The following SLC4A4 variants were observed in gnomAD, a reference collection of about 807,000 sequenced individuals.
SLC4A4 encodes solute carrier family 4 member 4.
A neutral mutation model predicts 111.5 loss-of-function variants in SLC4A4; 27 were observed. That is an observed-to-expected ratio of 0.24 (90% CI 0.18 to 0.33). The LOEUF is 0.33. SLC4A4 is among the 10% of genes least tolerant of loss of function. The pLI is 1.00. For synonymous variants in SLC4A4, 443 were observed against 463.4 expected (o/e 0.96, Z 0.57); for missense variants, 909 against 1,315.5 (o/e 0.69, Z 4.78).
chr4:71,449,017 A>G (rs2149073170), intron 9 of SLC4A4, among the ~76,000 whole-genome samples: 1 of 152,328 alleles, frequency 6.6e-6, no homozygotes, highest in South Asian at 2.1e-4. Flanking sequence ...AAGATGTATC[A>G]ATTAAGAATA....
intron 3 of SLC4A4, among the ~76,000 whole-genome samples, chr4:71,268,361 T>A (rs1722456793): frequency 6.6e-6 from 1 of 152,150 alleles, no homozygotes; most frequent in South Asian, 2.1e-4. Context: ...AAGGAAGAGA[T>A]CAGATGACGA....
At chr4:71,073,418 A>G (rs928989731) in intron 1 of SLC4A4, among the ~76,000 whole-genome samples, 1 of 152,172 alleles carries the variant, frequency 6.6e-6, no homozygotes, top group Non-Finnish European at 1.5e-5. Context: ...CCTGGAGAAT[A>G]TGTTTTTAGA....
chr4:71,511,895 A>T (rs2149176070), intron 16 of SLC4A4, among the ~76,000 whole-genome samples: 1 of 152,248 alleles, frequency 6.6e-6, no homozygotes, highest in Non-Finnish European at 1.5e-5. Flanking sequence ...GACTTATTTC[A>T]CTAAACACAA....
In SLC4A4 at chr4:71,140,089, G is replaced by T. The variant is rs34048868; in HGVS notation, c.-2+47297G>T. ...TTTCTAGTGAAGCTATTTTTAAATG[G>T]GTTGTTTTGAACACATAGCATCCAA... is the stretch of plus-strand genomic sequence containing the variant. On this transcript the variant is annotated intron_variant, in intron 2 of 26. Transcript: ENST00000649996. 8.6e-3 allele frequency among the ~76,000 whole-genome samples: 1,302 copies of T among 152,052 alleles called. 7 individuals carry two copies. The highest frequency in any genetic ancestry group is 0.017 in the Middle Eastern group (5 of 292).
At chr4:71,377,215 G>C (rs1050050861) in intron 6 of SLC4A4, among the ~76,000 whole-genome samples, 2 of 152,156 alleles carry the variant, frequency 1.3e-5, no homozygotes, top group Non-Finnish European at 2.9e-5. Context: ...TTTGATAACT[G>C]CTACTTCTTT....
At chr4:71,400,882 G>A (rs560684132) in intron 7 of SLC4A4, among the ~76,000 whole-genome samples, 2 of 152,184 alleles carry the variant, frequency 1.3e-5, no homozygotes, top group South Asian at 4.1e-4. Context: ...AAGGTTTCCA[G>A]GCTTATGTTT....
intron 2 of SLC4A4, among the ~76,000 whole-genome samples, chr4:71,143,857 G>A (rs1250274016): frequency 1.3e-5 from 2 of 152,146 alleles, no homozygotes; most frequent in South Asian, 2.1e-4. Flanking sequence ...CCCTTTGTCA[G>A]ATGAGTGGGT....
Position 71,447,695 on chromosome 4 carries a change from G to C in SLC4A4, c.1015G>C (p.Glu339Gln). The C allele has an allele frequency of 6.2e-7, 1 of 1,612,932 alleles. No homozygotes were observed. Among genetic ancestry groups the C allele is most frequent in the Non-Finnish European group, 8.5e-7 (1 of 1,179,168 alleles). The change falls in exon 9 of 26, where the codon GAG becomes CAG. Residue 339 changes from glutamate (E) to glutamine (Q), a missense_variant. Glu to Gln is a conservative substitution (Grantham distance 29). Around this residue, in one of 7 missense-constraint regions of SLC4A4, gnomAD observed 312 missense variants for 402.0 expected, o/e 0.78. Coordinates refer to ENST00000264485, the MANE Select transcript of SLC4A4 (RefSeq NM_001098484.3). ...TAAGGGGAAAGCCAAGTCCTACCACGAGATTGGCAGAGCCATTGCCACCCT... is the reference window on the plus strand; with the variant it reads ...TAAGGGGAAAGCCAAGTCCTACCACCAGATTGGCAGAGCCATTGCCACCCT... ...GPKGKAKSYH[E>Q]IGRAIATLMS...
At chr4:71,295,342 A>G (rs1724703050) in intron 3 of SLC4A4, among the ~76,000 whole-genome samples, 1 of 152,138 alleles carries the variant, frequency 6.6e-6, no homozygotes, top group African/African-American at 2.4e-5. Flanking sequence ...TGGAGCTGCA[A>G]ACCCTAGGTG....
chr4:71,427,480 G>A (rs979473749), intron 7 of SLC4A4, among the ~76,000 whole-genome samples: 13 of 151,934 alleles, frequency 8.6e-5, no homozygotes, highest in African/African-American at 2.9e-4. Flanking sequence ...TAAAAAATAT[G>A]ATGTTATTTC....
Position 71,567,170 on chromosome 4 carries a change from C to G in SLC4A4, c.*36+87C>G, listed in dbSNP as rs1386798494. The G allele has an allele frequency of 3.9e-6, 4 of 1,030,844 alleles. No individual in the cohort carries two copies. In the East Asian group the frequency reaches 9.9e-5, roughly 26 times the overall value. 63.9% of individuals were successfully genotyped at this position (1,030,844 alleles called of 1,614,324 possible). ...TAATGGTGGGTTATTGACAGAACTT[C>G]TTGTTCTCCTTCGTCTCTATTATTT... On this transcript the variant is annotated intron_variant, in intron 25 of 25. Transcript: ENST00000264485.
chr4:71,327,160 A>G (rs893073242), intron 3 of SLC4A4, among the ~76,000 whole-genome samples: 1 of 152,020 alleles, frequency 6.6e-6, no homozygotes, highest in Non-Finnish European at 1.5e-5. Flanking sequence ...GGGTGGCCAC[A>G]GTGGGATGCT....
intron 14 of SLC4A4, 53 bp from the exon 15 acceptor site, chr4:71,486,895 G>C (rs1258241393): frequency 9.5e-7 from 1 of 1,049,822 alleles, no homozygotes; most frequent in East Asian, 2.7e-5. Flanking sequence ...ATGCATTTAA[G>C]GTCTTTTTCT....
intron 2 of SLC4A4, among the ~76,000 whole-genome samples, chr4:71,124,319 C>G (rs1743508607): frequency 6.6e-6 from 1 of 151,946 alleles, no homozygotes; most frequent in Non-Finnish European, 1.5e-5. Flanking sequence ...CTACAGGTGC[C>G]CGCCACCATG....
intron 16 of SLC4A4, among the ~76,000 whole-genome samples, chr4:71,512,445 T>C (rs899213659): frequency 6.6e-6 from 1 of 152,198 alleles, no homozygotes; most frequent in African/African-American, 2.4e-5. Flanking sequence ...TGTGTCTTCT[T>C]TTGAGAAATG....
At chr4:71,476,757 C>T (rs4521318) in intron 14 of SLC4A4, among the ~76,000 whole-genome samples, 79,694 of 151,334 alleles carry the variant, frequency 0.53, 24,597 homozygotes, top group Non-Finnish European at 0.7. Context: ...AAGTCACATA[C>T]ATAGGTTTAC....
At chr4:71,419,791 T>TA (rs1722229548) in intron 7 of SLC4A4, among the ~76,000 whole-genome samples, 1 of 152,164 alleles carries the variant, frequency 6.6e-6, no homozygotes, top group African/African-American at 2.4e-5. Flanking sequence ...TCTGCGTCAC[T>TA]CATGCTGGGA....
chr4:71,198,504 T>A (rs13147436), intron 1 of SLC4A4, among the ~76,000 whole-genome samples: 14,767 of 152,214 alleles, frequency 0.097, 1,067 homozygotes, highest in Admixed American at 0.24. Context: ...ACGCTGCATA[T>A]CATGAGAATG....
chr4:71,293,259 T>C (rs1454331417), intron 3 of SLC4A4, among the ~76,000 whole-genome samples: 1 of 150,814 alleles, frequency 6.6e-6, no homozygotes, highest in East Asian at 2.0e-4. Flanking sequence ...ACACAAGTAT[T>C]ATCAACATAA....
Sources: allele counts gnomAD v4.1 joint callset (sites outside exome capture counted in the v4.1 genomes callset), GRCh38; gene constraint gnomAD v4.1.1; regional missense constraint gnomAD v4.1.1; transcripts MANE v1.5; gene names NCBI Gene and HGNC (gene_info 2026-07-23, HGNC 2026-07-21).